The following TRIM66 variants were observed in gnomAD, a reference collection of about 807,000 sequenced individuals.
TRIM66 encodes tripartite motif-containing protein 66.
TRIM66 carries 99 observed loss-of-function variants against 148.2 expected under a neutral mutation model. The observed-to-expected ratio is 0.67, with a 90% CI of 0.57 to 0.79. TRIM66 has a LOEUF of 0.79. TRIM66 is among the 30% of genes least tolerant of loss of function. The pLI is 0.00. For missense variants in TRIM66, 1,666 were observed against 1,697.9 expected (o/e 0.98, Z 0.33); for synonymous variants, 616 against 635.9 (o/e 0.97, Z 0.47).
chr11:8,662,387 C>T (rs1022536051), intron 6 of TRIM66, among the ~76,000 whole-genome samples: 1 of 152,240 alleles, frequency 6.6e-6, no homozygotes, highest in Admixed American at 6.5e-5. Flanking sequence ...TCAGTTCCCC[C>T]TCTTTGGATA....
intron 14 of TRIM66, among the ~76,000 whole-genome samples, chr11:8,639,960 C>G (rs1433875009): frequency 4.6e-5 from 7 of 152,148 alleles, no homozygotes; most frequent in Non-Finnish European, 7.3e-5. Flanking sequence ...AGGGTCCCTA[C>G]TGTCATCCAG....
chr11:8,673,262 G>C (rs781765844), intron 4 of TRIM66, among the ~76,000 whole-genome samples: 6 of 151,950 alleles, frequency 3.9e-5, no homozygotes, highest in Non-Finnish European at 8.8e-5. Context: ...CTTAAGCTGA[G>C]GTCCACACAC....
chr11:8,651,121 A>C (rs527347378), intron 7 of TRIM66, among the ~76,000 whole-genome samples: 1 of 152,328 alleles, frequency 6.6e-6, no homozygotes, highest in East Asian at 1.9e-4. Context: ...CACCAAACTG[A>C]TGTGAATTCT....
At chr11:8,651,386 C>T (rs2037344592) in intron 7 of TRIM66, among the ~76,000 whole-genome samples, 1 of 151,998 alleles carries the variant, frequency 6.6e-6, no homozygotes, top group Non-Finnish European at 1.5e-5. Context: ...TAAATACAGG[C>T]AAGGTTAATA....
intron 15 of TRIM66, among the ~76,000 whole-genome samples, chr11:8,635,577 G>C (rs1183015503): frequency 6.6e-6 from 1 of 152,138 alleles, no homozygotes; most frequent in Non-Finnish European, 1.5e-5. Flanking sequence ...CTTCCTCTAA[G>C]CCAGGATGAC....
At chr11:8,619,042 A>T (rs1186213427) in intron 23 of TRIM66, 74 bp from the exon 24 acceptor site, 2 of 1,346,474 alleles carry the variant, frequency 1.5e-6, no homozygotes, top group African/African-American at 2.9e-5. Flanking sequence ...CTCAAGAGCT[A>T]CACAGAGCAC....
At position 8,625,160 on chromosome 11, in the gene TRIM66, C is replaced by A; in HGVS notation, c.2379G>T (p.Leu793Phe). The change falls in exon 16 of 25, where the codon TTG (leucine) becomes TTT (phenylalanine). Residue 793 changes from leucine to phenylalanine, a missense_variant. Leu to Phe is a conservative substitution (Grantham distance 22). This residue lies in a region of TRIM66 where 1,431 missense variants were observed against 1,412.4 expected (regional missense o/e 1.01). Coordinates refer to ENST00000646038, the MANE Select transcript of TRIM66 (RefSeq NM_001388022.1). ...GGATCTGTGGCTCTAGGGGCCTCTC[C>A]AACCTGGTAGATGACAACTCCATCT... ...TLEMELSSTR[L>F]ERPLEPQIQS... 1 of 1,545,142 alleles carries A rather than the reference C, an allele frequency of 6.5e-7. No homozygotes were observed. The highest frequency in any genetic ancestry group is 8.8e-7 in the Non-Finnish European group (1 of 1,142,842).
chr11:8,642,761 T>G (rs2036507207), intron 13 of TRIM66, among the ~76,000 whole-genome samples: 1 of 140,352 alleles, frequency 7.1e-6, no homozygotes, highest in Non-Finnish European at 1.5e-5. Context: ...CACAGAATGG[T>G]AAACTCAGAT....
intron 8 of TRIM66, among the ~76,000 whole-genome samples, chr11:8,649,412 A>G (rs909986201): frequency 4.6e-5 from 7 of 152,220 alleles, no homozygotes; most frequent in African/African-American, 1.2e-4. Context: ...CCTAATCCAG[A>G]CTAAGTTAAT....
chr11:8,672,493 A>G lies in TRIM66; in HGVS notation c.-111-108T>C, dbSNP rs1261511589. 7 of 1,240,390 alleles carry G rather than the reference A, an allele frequency of 5.6e-6. No homozygotes were observed. In the East Asian group the frequency reaches 1.1e-4, roughly 19 times the overall value. 76.8% of individuals were successfully genotyped at this position (1,240,390 alleles called of 1,614,324 possible). A position where few individuals can be genotyped will look rare whatever the true frequency, so the allele number is the denominator to read the frequency against. ...GGGTTGAGACACTTTTACAAATTAAATAAAACCAAGAGGGACAGGCTGAGG... is the reference window on the plus strand; with the variant it reads ...GGGTTGAGACACTTTTACAAATTAAGTAAAACCAAGAGGGACAGGCTGAGG... On this transcript the variant is annotated intron_variant, in intron 4 of 24. Transcript: ENST00000646038.
intron 4 of TRIM66, 115 bp downstream of exon 4, chr11:8,674,691 A>C (rs1444445578): frequency 6.6e-6 from 1 of 152,198 alleles, no homozygotes; most frequent in African/African-American, 2.4e-5. Context: ...CAGCCTAAAA[A>C]AAAAAAATCA....
intron 6 of TRIM66, among the ~76,000 whole-genome samples, chr11:8,664,455 T>C (rs1426415042): frequency 1.3e-5 from 2 of 152,120 alleles, no homozygotes; most frequent in Non-Finnish European, 2.9e-5. Flanking sequence ...GAATTTGACC[T>C]TACCGGGCAG....
intron 6 of TRIM66, chr11:8,658,837 T>A: frequency 2.0e-6 from 2 of 983,764 alleles, no homozygotes; most frequent in Non-Finnish European, 2.4e-6. Context: ...GAAATCTGTC[T>A]CCTACATACT....
rs981701223 is a variant in TRIM66, at chr11:8,625,469, G to C, written c.2311-241C>G. ...AGGCACAAGCGGAGAACTATTGTGT[G>C]TGTGTGTGTGTGTGTGTGTGTGTGT... On this transcript the variant is annotated intron_variant, in intron 15 of 24. Coordinates refer to ENST00000646038, the MANE Select transcript of TRIM66 (RefSeq NM_001388022.1). 5.5e-4 allele frequency among the ~76,000 whole-genome samples: 48 copies of C among 87,448 alleles called. 2 individuals carry two copies. The allele number at this position is 87,448 out of a possible 152,430, so 57.4% of individuals were successfully genotyped here. A position where few individuals can be genotyped will look rare whatever the true frequency, so the allele number is the denominator to read the frequency against.
At chr11:8,632,855 C>G (rs1181479949) in intron 15 of TRIM66, among the ~76,000 whole-genome samples, 1 of 152,124 alleles carries the variant, frequency 6.6e-6, no homozygotes, top group African/African-American at 2.4e-5. Context: ...TTAAGGCTGT[C>G]ACTATGGATG....
Position 8,677,083 on chromosome 11 carries a change from G to T in TRIM66, c.-189-2200C>A, listed in dbSNP as rs542937878. ...TACCTTAACCTTGCTAAGGAATGAT[G>T]GAACAAGTCATTCCACATCACATTG... On this transcript the variant is annotated intron_variant, in intron 3 of 24. Transcript: ENST00000646038. Among the ~76,000 whole-genome samples, 25 of 152,242 alleles carry T rather than the reference G, an allele frequency of 1.6e-4. No individual in the cohort carries two copies. In the South Asian group the frequency reaches 1.7e-3, roughly 10 times the overall value.
chr11:8,662,239 A>C (rs2038308058), intron 6 of TRIM66, among the ~76,000 whole-genome samples: 2 of 151,490 alleles, frequency 1.3e-5, no homozygotes, highest in African/African-American at 4.9e-5. Flanking sequence ...GTAGTCACCC[A>C]CCTCCCAGGC....
In TRIM66 at chr11:8,621,580, G is replaced by A. The variant is rs183308194; in HGVS notation, c.3255+65C>T. 235 of 1,455,068 alleles carry A rather than the reference G, an allele frequency of 1.6e-4. 2 individuals are homozygous for A. The highest frequency in any genetic ancestry group is 1.6e-3 in the Admixed American group (56 of 36,058). The allele number at this position is 1,455,068 out of a possible 1,614,324, so 90.1% of individuals were successfully genotyped here. A position where few individuals can be genotyped will look rare whatever the true frequency, so the allele number is the denominator to read the frequency against. ...AGGTCCCAGAGTCAGAATTCGGGCA[G>A]TAGCAGAAAGAATAAGCTCTTAGGC... On this transcript the variant is annotated intron_variant, in intron 19 of 24. Coordinates refer to ENST00000646038, the MANE Select transcript of TRIM66 (RefSeq NM_001388022.1).
chr11:8,663,652 T>C (rs1007096378), intron 6 of TRIM66, among the ~76,000 whole-genome samples: 1 of 151,676 alleles, frequency 6.6e-6, no homozygotes, highest in Non-Finnish European at 1.5e-5. Context: ...CCAAAGAAAA[T>C]GAAATCAGCA....
Sources: allele counts gnomAD v4.1 joint callset (sites outside exome capture counted in the v4.1 genomes callset), GRCh38; gene constraint gnomAD v4.1.1; regional missense constraint gnomAD v4.1.1; transcripts MANE v1.5; gene names NCBI Gene and HGNC (gene_info 2026-07-23, HGNC 2026-07-21).